ATRN: variants seen among roughly 807,000 people sequenced by gnomAD.
The protein encoded by ATRN is attractin-2.
In ATRN, 54 loss-of-function variants were observed where a neutral mutation model predicts 178.7. The ratio of observed to expected loss-of-function variants is 0.30; its 90% CI spans 0.24 to 0.38. The LOEUF (loss-of-function observed/expected upper bound fraction) is 0.38. ATRN is among the 10% of genes least tolerant of loss of function. The probability of loss-of-function intolerance (pLI) is 1.00; values close to 1 mark genes in which losing one functional copy is unlikely to be tolerated. For missense variants in ATRN, 1,443 were observed against 1,815.1 expected, an observed-to-expected ratio of 0.79 and a Z score of 3.73; for synonymous variants, 636 against 663.0, an observed-to-expected ratio of 0.96 and a Z score of 0.63.
intron 24 of ATRN, among the ~76,000 whole-genome samples, chr20:3,623,128 T>C (rs2086909721): frequency 6.6e-6 from 1 of 152,256 alleles, no homozygotes; most frequent in Non-Finnish European, 1.5e-5. Flanking sequence ...TCTCTTTATG[T>C]GTTATAACTT....
chr20:3,548,699 C>G (rs545590500), intron 5 of ATRN, among the ~76,000 whole-genome samples: 3 of 151,828 alleles, frequency 2.0e-5, no homozygotes, highest in African/African-American at 7.2e-5. Context: ...TATAAGTAAT[C>G]TAGAGGTGAG....
intron 1 of ATRN, among the ~76,000 whole-genome samples, chr20:3,473,096 A>C (rs1457604066): frequency 6.6e-6 from 1 of 152,226 alleles, no homozygotes; most frequent in African/African-American, 2.4e-5. Context: ...CCATTAACCT[A>C]CATGTATTTG....
At chr20:3,515,504 A>AG (rs1366641189) in intron 1 of ATRN, among the ~76,000 whole-genome samples, 2 of 152,304 alleles carry the variant, frequency 1.3e-5, no homozygotes, top group African/African-American at 4.8e-5. Context: ...TTTTAAGAAG[A>AG]GAGTTACTAG....
chr20:3,518,686 A>G (rs1343414905), intron 1 of ATRN, among the ~76,000 whole-genome samples: 1 of 152,178 alleles, frequency 6.6e-6, no homozygotes, highest in Non-Finnish European at 1.5e-5. Flanking sequence ...ATCCCCCATA[A>G]TGAATCCTGT....
intron 11 of ATRN, 108 bp downstream of exon 11, chr20:3,565,540 G>C (rs1333910526): frequency 2.3e-6 from 2 of 856,666 alleles, no homozygotes; most frequent in African/African-American, 1.7e-5. Context: ...GGCCGAGGCG[G>C]GTGGAATACG....
At chr20:3,592,973 G>A (rs149795413) in intron 19 of ATRN, among the ~76,000 whole-genome samples, 95 of 152,310 alleles carry the variant, frequency 6.2e-4, no homozygotes, top group Non-Finnish European at 1.3e-3. Context: ...CCGTTAGACA[G>A]TAACCAGAGT....
chr20:3,471,975 T>C (rs2084434912), intron 1 of ATRN, among the ~76,000 whole-genome samples: 1 of 152,148 alleles, frequency 6.6e-6, no homozygotes, highest in African/African-American at 2.4e-5. Context: ...AACAGGGCCC[T>C]GGAAATGCTT....
chr20:3,501,481 C>A (rs930000515), intron 1 of ATRN, among the ~76,000 whole-genome samples: 6 of 152,044 alleles, frequency 3.9e-5, no homozygotes, highest in African/African-American at 1.4e-4. Flanking sequence ...ATAAGATGAT[C>A]CTGGGACATC....
chr20:3,570,688 C>T (rs2086108785), intron 11 of ATRN, among the ~76,000 whole-genome samples: 1 of 152,144 alleles, frequency 6.6e-6, no homozygotes, highest in Non-Finnish European at 1.5e-5. Flanking sequence ...ATACTACCCT[C>T]GTTTTCTTTT....
In ATRN at chr20:3,471,371, G is replaced by A. The variant is rs762116548; in HGVS notation, c.264G>A (p.Ala88=). 174 of 1,482,536 alleles carry A rather than the reference G, an allele frequency of 1.2e-4. No homozygotes were observed. The highest frequency in any genetic ancestry group is 1.4e-4 in the Non-Finnish European group (160 of 1,126,124). 91.8% of individuals were successfully genotyped at this position (1,482,536 alleles called of 1,614,324 possible). Residue 88 remains alanine, a synonymous_variant, in exon 1 of 29, where the codon GCG becomes GCA. Coordinates refer to ENST00000262919, the MANE Select transcript of ATRN (RefSeq NM_139321.3). ...AGGCCGAGGCCGCGGCGGCGGCGGC[G>A]GCGGTGTCGGGCTCAGCCGCAGCCG... ...PCEAEAAAAA[A]AVSGSAAAEA...
rs868519208 is a variant in ATRN at position 3,512,110 on chromosome 20, T to A, written c.411-23143T>A. Among the ~76,000 whole-genome samples the A allele has an allele frequency of 7.5e-3, 1,062 of 140,872 alleles. 13 individuals carry two copies. Among genetic ancestry groups the A allele is most frequent in the African/African-American group, 0.017 (644 of 37,050 alleles). The allele number at this position is 140,872 out of a possible 152,430, so 92.4% of individuals were successfully genotyped here. A position where few individuals can be genotyped will look rare whatever the true frequency, so the allele number is the denominator to read the frequency against. On this transcript the variant is annotated intron_variant, in intron 1 of 28. Transcript: ENST00000262919. The stretch of plus-strand genomic sequence containing the variant: ...TTATATATATATATATATATATATT[T>A]TTTTTTTTTATTATACTTTAAGTTC...
chr20:3,536,428 C>G (rs1424842159), intron 2 of ATRN, among the ~76,000 whole-genome samples: 1 of 152,020 alleles, frequency 6.6e-6, no homozygotes, highest in South Asian at 2.1e-4. Flanking sequence ...CCAGGCTGGT[C>G]TCGAACTCCT....
intron 1 of ATRN, among the ~76,000 whole-genome samples, chr20:3,485,434 A>G (rs1041939965): frequency 1.3e-5 from 2 of 152,098 alleles, no homozygotes; most frequent in African/African-American, 4.8e-5. Flanking sequence ...CTGCACATAG[A>G]AGGTGGCCTG....
In ATRN at chr20:3,632,381, G is replaced by T. The variant is rs1345488027; in HGVS notation, c.3864-1930G>T. 2.6e-5 allele frequency among the ~76,000 whole-genome samples: 4 copies of T among 152,056 alleles called. No individual in the cohort carries two copies. The highest frequency in any genetic ancestry group is 2.6e-4 in the Admixed American group (4 of 15,260). ...TCATAATGCTTGCAGTGCCCCACATGATCTGCCCTTCACCCTCACCCTTCT... is the reference window on the plus strand; with the variant it reads ...TCATAATGCTTGCAGTGCCCCACATTATCTGCCCTTCACCCTCACCCTTCT... On this transcript the variant is annotated intron_variant, in intron 25 of 28. Coordinates refer to ENST00000262919, the MANE Select transcript of ATRN (RefSeq NM_139321.3). The surrounding 1 kb of genome is among the most constrained non-coding windows in gnomAD (Gnocchi z 4.2).
chr20:3,614,742 A>G (rs987656529), intron 24 of ATRN, among the ~76,000 whole-genome samples: 6 of 152,100 alleles, frequency 3.9e-5, no homozygotes, highest in Admixed American at 3.3e-4. Context: ...ACTACAGCCA[A>G]TTTTAGAATA....
At chr20:3,485,685 G>A (rs1158543480) in intron 1 of ATRN, among the ~76,000 whole-genome samples, 4 of 132,708 alleles carry the variant, frequency 3.0e-5, no homozygotes, top group Admixed American at 1.7e-4. Flanking sequence ...GCAATGGTGC[G>A]ATCTTGGCTC....
chr20:3,643,231 TC>T (rs759455007), intron 27 of ATRN, among the ~76,000 whole-genome samples: 54 of 152,174 alleles, frequency 3.5e-4, no homozygotes, highest in Non-Finnish European at 6.5e-4. Context: ...AGCTGATAAT[TC>T]CCCAGAACTC....
chr20:3,480,432 A>G (rs568217090), intron 1 of ATRN, among the ~76,000 whole-genome samples: 1 of 152,198 alleles, frequency 6.6e-6, no homozygotes, highest in African/African-American at 2.4e-5. Context: ...CTCCCAGAAG[A>G]TGGAGGATGG....
intron 1 of ATRN, among the ~76,000 whole-genome samples, chr20:3,516,280 G>A (rs2085205263): frequency 2.6e-5 from 4 of 152,118 alleles, no homozygotes; most frequent in Non-Finnish European, 5.9e-5. Flanking sequence ...AGACCAAATA[G>A]CATAATATTT....
Sources: allele counts gnomAD v4.1 joint callset (sites outside exome capture counted in the v4.1 genomes callset), GRCh38; gene constraint gnomAD v4.1.1; non-coding constraint Gnocchi (gnomAD v3.1); transcripts MANE v1.5; gene names NCBI Gene and HGNC (gene_info 2026-07-23, HGNC 2026-07-21).